THSD4: variants seen among roughly 807,000 people sequenced by gnomAD.
THSD4 encodes the protein thrombospondin type-1 domain-containing protein 4.
A neutral mutation model predicts 119.0 loss-of-function variants in THSD4; 69 were observed. The ratio of observed to expected loss-of-function variants is 0.58; its 90% confidence interval spans 0.48 to 0.71. THSD4 has a LOEUF of 0.71. THSD4 is among the 30% of genes least tolerant of loss of function. The pLI is 0.00. For missense variants in THSD4, 1,393 were observed against 1,391.1 expected, an observed-to-expected ratio of 1.00 and a Z score of -0.02; for synonymous variants, 524 against 540.4, an observed-to-expected ratio of 0.97 and a Z score of 0.42.
At chr15:71,585,807 A>T (rs968332013) in intron 7 of THSD4, among the ~76,000 whole-genome samples, 3 of 151,988 alleles carry the variant, frequency 2.0e-5, no homozygotes, top group African/African-American at 7.2e-5. Flanking sequence ...TCTTAACTAG[A>T]TAATTTCAAA....
intron 7 of THSD4, among the ~76,000 whole-genome samples, chr15:71,432,053 G>A (rs1043968818): frequency 3.3e-5 from 5 of 151,978 alleles, no homozygotes; most frequent in African/African-American, 4.8e-5. Context: ...TTAACATTAC[G>A]ATTATGACTG....
At chr15:71,638,294 TC>T (rs2050789900) in intron 7 of THSD4, among the ~76,000 whole-genome samples, 4 of 152,204 alleles carry the variant, frequency 2.6e-5, no homozygotes, top group Non-Finnish European at 5.9e-5. Flanking sequence ...TTTCCAGAAG[TC>T]TGGAGGTCAT....
chr15:71,120,380 CT>C (rs1341378530), intron 1 of THSD4, among the ~76,000 whole-genome samples: 1 of 152,206 alleles, frequency 6.6e-6, no homozygotes, highest in Admixed American at 6.5e-5. Context: ...GCTGAGTGTA[CT>C]GCCTATGTTG....
chr15:71,370,199 G>T (rs2046024942), intron 6 of THSD4, among the ~76,000 whole-genome samples: 2 of 151,944 alleles, frequency 1.3e-5, no homozygotes, highest in Non-Finnish European at 2.9e-5. Context: ...ATTGCTAGTG[G>T]TCTATCAATT....
At chr15:71,598,722 A>T (rs1015264553) in intron 7 of THSD4, among the ~76,000 whole-genome samples, 2 of 151,886 alleles carry the variant, frequency 1.3e-5, no homozygotes, top group Non-Finnish European at 1.5e-5. Context: ...GGCTCAGGTG[A>T]TCCTCCTGCC....
chr15:71,608,266 A>ACACACG (rs2050154975), intron 7 of THSD4, among the ~76,000 whole-genome samples: 1 of 149,894 alleles, frequency 6.7e-6, no homozygotes, highest in Non-Finnish European at 1.5e-5. Flanking sequence ...ACACACACAC[A>ACACACG]CACACACACA....
chr15:71,455,683 C>A (rs570927279), intron 7 of THSD4, among the ~76,000 whole-genome samples: 3 of 152,202 alleles, frequency 2.0e-5, no homozygotes, highest in African/African-American at 7.2e-5. Context: ...GTAATCCGTT[C>A]CAGATGAACC....
intron 7 of THSD4, among the ~76,000 whole-genome samples, chr15:71,502,442 G>A (rs1047072141): frequency 2.0e-5 from 3 of 152,188 alleles, no homozygotes; most frequent in Non-Finnish European, 4.4e-5. Flanking sequence ...ATGGATCACA[G>A]ATGAAAAGGA....
intron 6 of THSD4, among the ~76,000 whole-genome samples, chr15:71,278,428 A>G (rs1001373766): frequency 6.6e-6 from 1 of 152,092 alleles, no homozygotes; most frequent in African/African-American, 2.4e-5. Context: ...CAAGCAATCC[A>G]CCTGCCTCAA....
chr15:71,222,655 C>G (rs2043984232), intron 4 of THSD4, among the ~76,000 whole-genome samples: 1 of 152,140 alleles, frequency 6.6e-6, no homozygotes, highest in Non-Finnish European at 1.5e-5. Flanking sequence ...CAGAACTTCC[C>G]AGAGCAGTTT....
At chr15:71,639,846 A>G (rs8026189) in intron 7 of THSD4, among the ~76,000 whole-genome samples, 38,177 of 150,060 alleles carry the variant, frequency 0.25, 5,679 homozygotes, top group East Asian at 0.63. Flanking sequence ...CAAAAAAAAA[A>G]AAAAGAAAAG....
At chr15:71,704,280 G>A (rs1037981105) in intron 8 of THSD4, among the ~76,000 whole-genome samples, 13 of 152,176 alleles carry the variant, frequency 8.5e-5, no homozygotes, top group African/African-American at 2.9e-4. Context: ...CCTTGATATG[G>A]TTTGGCTATG....
At chr15:71,681,311 A>G (rs563062952) in intron 8 of THSD4, among the ~76,000 whole-genome samples, 1 of 152,336 alleles carries the variant, frequency 6.6e-6, no homozygotes, top group South Asian at 2.1e-4. Flanking sequence ...CTTTGTCTAG[A>G]CAATAAATAC....
At chr15:71,209,862 C>T (rs1056692466) in intron 3 of THSD4, among the ~76,000 whole-genome samples, 5 of 152,098 alleles carry the variant, frequency 3.3e-5, no homozygotes, top group African/African-American at 4.8e-5. Flanking sequence ...TTCACGAGAG[C>T]TGATGATTTT....
At chr15:71,453,062 G>A (rs537546698) in intron 7 of THSD4, among the ~76,000 whole-genome samples, 2 of 152,304 alleles carry the variant, frequency 1.3e-5, no homozygotes, top group Admixed American at 1.3e-4. Flanking sequence ...GCGAGAAGGT[G>A]GCTATCTGCA....
chr15:71,442,579 A>AAAT lies in THSD4; in HGVS notation c.1152+30757_1152+30758insATA, dbSNP rs1195413080. Among the ~76,000 whole-genome samples the AAAT allele has an allele frequency of 2.7e-3, 109 of 39,858 alleles. 21 individuals are homozygous for AAAT. The highest frequency in any genetic ancestry group is 6.5e-3 in the African/African-American group (88 of 13,616). The allele number at this position is 39,858 out of a possible 152,430, so 26.1% of individuals were successfully genotyped here. ...GCAAAACTCCATCTCAAAAAAAAAA[A>AAAT]ATATATATATATATATATATATGTG... On this transcript the variant is annotated intron_variant, in intron 7 of 17. Transcript: ENST00000261862.
At chr15:71,411,163 G>A (rs1049318523) in intron 6 of THSD4, among the ~76,000 whole-genome samples, 1 of 152,184 alleles carries the variant, frequency 6.6e-6, no homozygotes, top group Admixed American at 6.5e-5. Context: ...ATGGCAAAGC[G>A]TGGGAGGATG....
At chr15:71,609,756 G>T (rs1048401842) in intron 7 of THSD4, among the ~76,000 whole-genome samples, 1 of 151,110 alleles carries the variant, frequency 6.6e-6, no homozygotes, top group Non-Finnish European at 1.5e-5. Context: ...GGAGGCTGAG[G>T]CAGGAGAATG....
At chr15:71,329,917 C>CA (rs2045400169) in intron 6 of THSD4, among the ~76,000 whole-genome samples, 1 of 151,786 alleles carries the variant, frequency 6.6e-6, no homozygotes, top group South Asian at 2.1e-4. Flanking sequence ...TTCATCTGTA[C>CA]AAAAAATAAA....
Sources: gnomAD v4.1 joint callset for allele counts (sites outside exome capture counted in the v4.1 genomes callset) on GRCh38, gnomAD v4.1.1 for gene constraint, MANE v1.5 for transcripts, NCBI Gene and HGNC (gene_info 2026-07-23, HGNC 2026-07-21) for gene names.